Variants in ABCA9 observed in about 807,000 individuals in gnomAD.
ABCA9 encodes ATP binding cassette subfamily A member 9.
Under a neutral mutation model 205.3 loss-of-function variants are expected in ABCA9, and 183 were observed. That is an observed-to-expected ratio of 0.89 (90% CI 0.79 to 1.01). The LOEUF is 1.01. ABCA9 is among the 50% of genes least tolerant of loss of function. ABCA9 has a pLI of 0.00. For missense variants in ABCA9, 1,805 were observed against 1,912.4 expected, an observed-to-expected ratio of 0.94 and a Z score of 1.05; for synonymous variants, 651 against 683.3, an observed-to-expected ratio of 0.95 and a Z score of 0.74.
the ABCA9 span, among the ~76,000 whole-genome samples, chr17:69,066,061 C>G: frequency 6.6e-6 from 1 of 152,174 alleles, no homozygotes; most frequent in Non-Finnish European, 1.5e-5. Context: ...TTATAAATTA[C>G]CCAGTCTCAA....
At chr17:69,002,963 T>A (rs1232421249) in intron 25 of ABCA9, among the ~76,000 whole-genome samples, 2 of 145,538 alleles carry the variant, frequency 1.4e-5, no homozygotes, top group African/African-American at 2.6e-5. Context: ...TGTTTTCCAT[T>A]TGCTTGGTAG....
At chr17:69,070,838 T>C in the ABCA9 span, among the ~76,000 whole-genome samples, 2 of 152,178 alleles carry the variant, frequency 1.3e-5, no homozygotes, top group African/African-American at 4.8e-5. Context: ...TCAGATCCAC[T>C]AGACTGAAAT....
the ABCA9 span, among the ~76,000 whole-genome samples, chr17:69,074,702 G>A: frequency 2.0e-5 from 3 of 152,186 alleles, no homozygotes; most frequent in African/African-American, 7.2e-5. Context: ...TGTGAATACT[G>A]CTGTGATTAA....
chr17:69,058,392 G>A (rs1378865391), intron 1 of ABCA9, among the ~76,000 whole-genome samples: 2 of 152,126 alleles, frequency 1.3e-5, no homozygotes, highest in Non-Finnish European at 2.9e-5. Context: ...TGGTATTCAA[G>A]AGACAGCTCA....
chr17:69,063,806 G>C (rs995992473), upstream of ABCA9, among the ~76,000 whole-genome samples: 2 of 152,022 alleles, frequency 1.3e-5, no homozygotes, highest in African/African-American at 4.8e-5. Context: ...TCTCCTGACC[G>C]CGTGATCCGC....
intron 31 of ABCA9, among the ~76,000 whole-genome samples, chr17:68,987,229 G>A (rs550986836): frequency 5.3e-5 from 8 of 152,202 alleles, no homozygotes; most frequent in East Asian, 3.9e-4. Flanking sequence ...GGTAAATCTC[G>A]GACTTGAAGC....
chr17:69,030,274 G>C (rs2071115248), intron 10 of ABCA9, among the ~76,000 whole-genome samples: 1 of 152,178 alleles, frequency 6.6e-6, no homozygotes, highest in South Asian at 2.1e-4. Flanking sequence ...GGTGTCAATA[G>C]ATTTGGCTTC....
intron 8 of ABCA9, chr17:69,034,995 A>G (rs975596434): frequency 3.4e-6 from 1 of 290,904 alleles, no homozygotes; most frequent in African/African-American, 2.2e-5. Context: ...AATGAGACAA[A>G]TGTTCTCTGG....
At chr17:68,992,929 C>T (rs2069502710) in intron 27 of ABCA9, 87 bp downstream of exon 27, 3 of 1,112,100 alleles carry the variant, frequency 2.7e-6, no homozygotes, top group Non-Finnish European at 4.0e-6. Flanking sequence ...TCCAAACCTT[C>T]TTAATTTGAT....
intron 12 of ABCA9, 80 bp downstream of exon 12, chr17:69,028,455 G>A (rs1236607452): frequency 3.5e-5 from 34 of 980,634 alleles, no homozygotes; most frequent in Admixed American, 2.3e-4. Flanking sequence ...GTGAGCCACC[G>A]TGCCCAGCCC....
rs374345193 is a variant in ABCA9, at chr17:68,997,552, C to CCTCT, written c.3436-1542_3436-1539dup. Among the ~76,000 whole-genome samples, 283 of 147,166 alleles carry CCTCT rather than the reference C, an allele frequency of 1.9e-3. 3 individuals are homozygous for CCTCT. Among genetic ancestry groups the CCTCT allele is most frequent in the African/African-American group, 6.7e-3 (272 of 40,372 alleles). Reference sequence around the variant, plus strand: ...GTATTAATTTTAACCCTAAGTGGTTCCTCTTTCATGTGGCTGTAATTTGTT... The same window carrying CCTCT: ...GTATTAATTTTAACCCTAAGTGGTTCCTCTCTCTTTCATGTGGCTGTAATTTGTT... On this transcript the variant is annotated intron_variant, in intron 25 of 38. Transcript: ENST00000340001.
At chr17:69,056,659 A>G (rs2072078364) in intron 1 of ABCA9, among the ~76,000 whole-genome samples, 3 of 152,218 alleles carry the variant, frequency 2.0e-5, no homozygotes, top group Admixed American at 1.3e-4. Context: ...ATGAAATACA[A>G]TTCTGAATCT....
intron 1 of ABCA9, among the ~76,000 whole-genome samples, chr17:69,059,027 A>C (rs1233820372): frequency 6.6e-6 from 1 of 152,012 alleles, no homozygotes; most frequent in African/African-American, 2.4e-5. Flanking sequence ...AAACCATCAG[A>C]TCTCGTGAGA....
chr17:68,992,815 A>C (rs915158308), intron 27 of ABCA9: 11 of 364,968 alleles, frequency 3.0e-5, no homozygotes, highest in African/African-American at 2.9e-4. Context: ...CTCTGTCTCA[A>C]AAAAAAAAAA....
chr17:68,982,690 C>A (rs779911160), intron 36 of ABCA9, 49 bp from the exon 37 acceptor site: 1 of 1,437,656 alleles, frequency 7.0e-7, no homozygotes, highest in Non-Finnish European at 9.8e-7. Context: ...AAGGTTGAAA[C>A]CCCGATGGGT....
At chr17:69,029,303 T>A in intron 10 of ABCA9, 76 bp from the exon 11 acceptor site, 1 of 856,924 alleles carries the variant, frequency 1.2e-6, no homozygotes, top group African/African-American at 1.8e-5. Flanking sequence ...CTTTGAGGCT[T>A]AATCAAAGCC....
chr17:69,011,995 C>T lies in ABCA9; in HGVS notation c.3128G>A (p.Ser1043Asn). ...TCTTACTTTGTAGTCACCAATGCTG[C>T]TCATTGCAATGTATGGAGTGAAAGA... Reference protein sequence around the residue: ...AASFTPYIAMSSIGDYKKKAH... With the variant: ...AASFTPYIAMNSIGDYKKKAH... Residue 1043 changes from serine (S) to asparagine (N), a missense_variant, in exon 23 of 39, where the codon AGC becomes AAC. Physicochemically the swap from Ser to Asn is conservative, Grantham distance 46. Transcript: ENST00000340001. The T allele has an allele frequency of 1.2e-6, 2 of 1,612,010 alleles. No individual in the cohort carries two copies. The highest frequency in any genetic ancestry group is 1.7e-6 in the Non-Finnish European group (2 of 1,178,988).
chr17:68,991,116 T>C (rs1490707363), intron 28 of ABCA9, among the ~76,000 whole-genome samples, 159 bp from the exon 29 acceptor site: 4 of 152,212 alleles, frequency 2.6e-5, no homozygotes. Context: ...TCAAACACCC[T>C]AGTTTCCTTC....
chr17:69,033,132 C>A (rs2071208698), intron 9 of ABCA9: 1 of 151,992 alleles, frequency 6.6e-6, no homozygotes, highest in South Asian at 2.1e-4. Context: ...CATGGTGAAA[C>A]CTCGTCTCCA....
Sources: allele counts gnomAD v4.1 joint callset (sites outside exome capture counted in the v4.1 genomes callset), GRCh38; gene constraint gnomAD v4.1.1; transcripts MANE v1.5; gene names NCBI Gene and HGNC (gene_info 2026-07-23, HGNC 2026-07-21).